UGT1A9: variants seen among roughly 807,000 people sequenced by gnomAD.
UGT1A9 encodes UDP-glucuronosyltransferase 1A9.
Under a neutral mutation model 45.0 loss-of-function variants are expected in UGT1A9, and 35 were observed. That is an observed-to-expected ratio of 0.78 (90% confidence interval 0.59 to 1.03). The LOEUF (loss-of-function observed/expected upper bound fraction) is 1.03. Ranked by LOEUF, UGT1A9 falls within the 50% of genes least tolerant of loss-of-function variation. The probability of loss-of-function intolerance (pLI) is 0.00; values close to 1 mark genes in which losing one functional copy is unlikely to be tolerated. For missense variants in UGT1A9, 687 were observed against 666.6 expected, an observed-to-expected ratio of 1.03 and a Z score of -0.34; for synonymous variants, 278 against 250.6, an observed-to-expected ratio of 1.11 and a Z score of -1.03.
rs1287277260 is a variant in UGT1A9 at position 233,682,790 on chromosome 2, A to G, written c.855+10001A>G. ...CTGTCATCAGGGAAAGCCAGTGCCT[A>G]TGGTAAGTTATCTCCCCTTTAGCAC... On this transcript the variant is annotated intron_variant, in intron 1 of 4. Transcript: ENST00000354728. The G allele has an allele frequency of 2.2e-5, 35 of 1,611,474 alleles. No homozygotes were observed. The East Asian group carries it at 7.4e-4, about 34-fold the overall frequency.
chr2:233,692,763 G>GAGAAACACCC, intron 1 of UGT1A9: 1 of 1,239,150 alleles, frequency 8.1e-7, no homozygotes, highest in Non-Finnish European at 1.0e-6. Context: ...TGGAGCTGAA[G>GAGAAACACCC]AGAAACACCC....
Position 233,736,954 on chromosome 2 carries a change from C to T in UGT1A9, c.856-30080C>T, listed in dbSNP as rs1375491683. On this transcript the variant is annotated intron_variant, in intron 1 of 4. Coordinates refer to ENST00000354728, the MANE Select transcript of UGT1A9 (RefSeq NM_021027.3). The stretch of plus-strand genomic sequence containing the variant: ...CCACCTATATGAGGTGTCTGTTGGC[C>T]CCTACTGGGAGGTGTTTCCCAGTCA... Among the ~76,000 whole-genome samples, 8 of 152,168 alleles carry T rather than the reference C, an allele frequency of 5.3e-5. No homozygotes were observed. The East Asian group carries it at 1.3e-3, about 26-fold the overall frequency.
intron 1 of UGT1A9, among the ~76,000 whole-genome samples, chr2:233,687,548 T>A (rs1178051446): frequency 8.0e-6 from 1 of 124,724 alleles, no homozygotes; most frequent in Non-Finnish European, 1.6e-5. Context: ...CTCAAGTAAG[T>A]GGGGGAGCCA....
At chr2:233,757,176 AG>A (rs1350201754) in intron 1 of UGT1A9, among the ~76,000 whole-genome samples, 4 of 151,300 alleles carry the variant, frequency 2.6e-5, no homozygotes, top group Non-Finnish European at 5.9e-5. Flanking sequence ...TTTGAGAGCA[AG>A]GCAGAGGACT....
intron 1 of UGT1A9, among the ~76,000 whole-genome samples, chr2:233,763,945 G>A (rs1405755046): frequency 6.6e-6 from 1 of 152,190 alleles, no homozygotes; most frequent in Non-Finnish European, 1.5e-5. Context: ...GGAAAGCTTG[G>A]GAGCAGGGAA....
intron 1 of UGT1A9, chr2:233,693,652 G>T (rs762827824): frequency 8.1e-6 from 13 of 1,614,184 alleles, no homozygotes; most frequent in African/African-American, 1.3e-5. Context: ...TTGTTAATTT[G>T]TTGGAGCCCT....
intron 1 of UGT1A9, among the ~76,000 whole-genome samples, chr2:233,677,454 C>T (rs534516799): frequency 6.6e-6 from 1 of 152,188 alleles, no homozygotes; most frequent in South Asian, 2.1e-4. Flanking sequence ...AAAAGCCTTG[C>T]CAATACCATA....
At chr2:233,706,618 G>A (rs2075916181) in intron 1 of UGT1A9, among the ~76,000 whole-genome samples, 1 of 152,146 alleles carries the variant, frequency 6.6e-6, no homozygotes, top group East Asian at 1.9e-4. Context: ...GAAGACTAGA[G>A]AAATGAGTGT....
chr2:233,731,811 GGCTGTGTCAAAT>G (rs1424533817), intron 1 of UGT1A9, among the ~76,000 whole-genome samples: 1 of 152,090 alleles, frequency 6.6e-6, no homozygotes, highest in Non-Finnish European at 1.5e-5. Flanking sequence ...GTAATGGTAT[GGCTGTGTCAAAT>G]GGTATTTCTA....
chr2:233,693,118 C>G, intron 1 of UGT1A9: 1 of 1,614,176 alleles, frequency 6.2e-7, no homozygotes, highest in Non-Finnish European at 8.5e-7. Context: ...ACGGAAGCCA[C>G]TGGCTTAGTA....
chr2:233,673,201 C>T (rs1037495143), intron 1 of UGT1A9, among the ~76,000 whole-genome samples: 2 of 152,086 alleles, frequency 1.3e-5, no homozygotes, highest in South Asian at 2.1e-4. Context: ...ATTCTCACAC[C>T]TATTTTGTTA....
intron 1 of UGT1A9, chr2:233,689,871 C>T (rs758683937): frequency 3.1e-5 from 14 of 456,438 alleles, no homozygotes; most frequent in Non-Finnish European, 5.7e-5. Context: ...TACCTTCTTG[C>T]TTATCAAGTG....
At chr2:233,678,685 AT>A (rs892538963) in intron 1 of UGT1A9, among the ~76,000 whole-genome samples, 2 of 152,048 alleles carry the variant, frequency 1.3e-5, no homozygotes, top group East Asian at 1.9e-4. Context: ...TGTAAGGCCA[AT>A]TTTTTTTCTG....
At chr2:233,743,823 G>C (rs752406673) in intron 1 of UGT1A9, 36 of 1,367,252 alleles carry the variant, frequency 2.6e-5, no homozygotes, top group Non-Finnish European at 3.4e-5. Flanking sequence ...TTTTTGTCGG[G>C]GTGCCACTTG....
intron 1 of UGT1A9, among the ~76,000 whole-genome samples, chr2:233,701,759 A>C (rs1211799362): frequency 5.3e-5 from 8 of 152,238 alleles, no homozygotes; most frequent in African/African-American, 1.9e-4. Flanking sequence ...GTACATAACG[A>C]AATGAAGGCA....
intron 1 of UGT1A9, chr2:233,692,815 A>T: frequency 7.0e-7 from 1 of 1,427,232 alleles, no homozygotes; most frequent in East Asian, 2.6e-5. Context: ...GTTGGTTCAT[A>T]TTAACCATGT....
chr2:233,760,289 T>C, intron 1 of UGT1A9: 1 of 1,613,270 alleles, frequency 6.2e-7, no homozygotes. Flanking sequence ...AAAGGCGCCA[T>C]GGCTGTGGAG....
chr2:233,736,804 G>A (rs1221083478), intron 1 of UGT1A9, among the ~76,000 whole-genome samples: 2 of 152,210 alleles, frequency 1.3e-5, no homozygotes, highest in African/African-American at 4.8e-5. Context: ...GGAGTTTGCT[G>A]GAGGTCCACT....
At chr2:233,749,564 G>C (rs1694221021) in intron 1 of UGT1A9, among the ~76,000 whole-genome samples, 1 of 151,822 alleles carries the variant, frequency 6.6e-6, no homozygotes, top group South Asian at 2.1e-4. Flanking sequence ...GTATTCAATA[G>C]TGAGGCCACT....
Sources: gnomAD v4.1 joint callset for allele counts (sites outside exome capture counted in the v4.1 genomes callset) on GRCh38, gnomAD v4.1.1 for gene constraint, MANE v1.5 for transcripts, NCBI Gene and HGNC (gene_info 2026-07-23, HGNC 2026-07-21) for gene names.